LUZP2: variants seen among roughly 807,000 people sequenced by gnomAD.
LUZP2 encodes leucine zipper protein 2.
Under a neutral mutation model 51.6 loss-of-function variants are expected in LUZP2, and 52 were observed. That is an observed-to-expected ratio of 1.01 (90% CI 0.81 to 1.27). LUZP2 has a LOEUF of 1.27. LUZP2 is among the 50% of genes most tolerant of loss of function. The pLI is 0.00. For synonymous variants in LUZP2, 154 were observed against 137.3 expected, an observed-to-expected ratio of 1.12 and a Z score of -0.85; for missense variants, 436 against 395.4, an observed-to-expected ratio of 1.10 and a Z score of -0.87.
intron 5 of LUZP2, among the ~76,000 whole-genome samples, chr11:24,862,622 T>C (rs1851773844): frequency 6.6e-6 from 1 of 152,130 alleles, no homozygotes; most frequent in Admixed American, 6.6e-5. Context: ...TCCATCGGTG[T>C]GCTGTATTCA....
chr11:24,850,924 G>T (rs1851374362), intron 5 of LUZP2, among the ~76,000 whole-genome samples: 2 of 151,206 alleles, frequency 1.3e-5, no homozygotes, highest in Non-Finnish European at 3.0e-5. Flanking sequence ...CTCTATTATT[G>T]GTGTATAGAA....
chr11:24,910,919 C>G (rs891455384), intron 6 of LUZP2, among the ~76,000 whole-genome samples: 11 of 152,104 alleles, frequency 7.2e-5, no homozygotes, highest in Non-Finnish European at 1.6e-4. Context: ...TGAAAGCAGC[C>G]AGGAGGGGGG....
intron 1 of LUZP2, among the ~76,000 whole-genome samples, chr11:24,669,523 C>G (rs1404799741): frequency 6.6e-6 from 1 of 151,992 alleles, no homozygotes; most frequent in Non-Finnish European, 1.5e-5. Flanking sequence ...GAGGAAACTG[C>G]CAATGAATCT....
intron 1 of LUZP2, among the ~76,000 whole-genome samples, chr11:24,599,816 C>T (rs972563515): frequency 1.3e-5 from 2 of 151,800 alleles, no homozygotes; most frequent in East Asian, 1.9e-4. Context: ...TTGAAAAGTA[C>T]GTAAAAAAAA....
At chr11:24,855,285 T>C (rs1851524968) in intron 5 of LUZP2, among the ~76,000 whole-genome samples, 1 of 152,178 alleles carries the variant, frequency 6.6e-6, no homozygotes, top group East Asian at 1.9e-4. Flanking sequence ...AATTTCAGGA[T>C]ACAAAATAAA....
intron 10 of LUZP2, among the ~76,000 whole-genome samples, chr11:25,071,579 T>G (rs1299983337): frequency 1.3e-5 from 2 of 151,878 alleles, no homozygotes; most frequent in Non-Finnish European, 2.9e-5. Context: ...AGTAATCTAG[T>G]TTTTCTCTTT....
intron 5 of LUZP2, among the ~76,000 whole-genome samples, chr11:24,845,602 A>G (rs1395426747): frequency 6.6e-6 from 1 of 152,278 alleles, no homozygotes; most frequent in East Asian, 1.9e-4. Context: ...TGTAACTCCC[A>G]CAATTCCCAT....
At chr11:24,573,624 G>A (rs566893952) in intron 1 of LUZP2, among the ~76,000 whole-genome samples, 1 of 151,952 alleles carries the variant, frequency 6.6e-6, no homozygotes, top group Non-Finnish European at 1.5e-5. Context: ...CCCCATTAGC[G>A]TGCTCTGTTA....
intron 1 of LUZP2, among the ~76,000 whole-genome samples, chr11:24,570,746 A>G (rs1438390908): frequency 6.6e-6 from 1 of 152,030 alleles, no homozygotes; most frequent in Non-Finnish European, 1.5e-5. Flanking sequence ...CATAGATGTT[A>G]TGTGTCTAAG....
chr11:24,874,037 T>C (rs1237057875), intron 5 of LUZP2, among the ~76,000 whole-genome samples: 2 of 152,196 alleles, frequency 1.3e-5, no homozygotes, highest in Admixed American at 6.5e-5. Flanking sequence ...TGGGAAGAGA[T>C]ACAGTAAGAT....
At chr11:25,071,746 C>A (rs1859163918) in intron 10 of LUZP2, among the ~76,000 whole-genome samples, 1 of 151,172 alleles carries the variant, frequency 6.6e-6, no homozygotes, top group African/African-American at 2.4e-5. Context: ...TGCAGCACAC[C>A]AACATGGCAC....
intron 9 of LUZP2, among the ~76,000 whole-genome samples, chr11:25,018,258 A>G (rs1857222080): frequency 6.6e-6 from 1 of 151,988 alleles, no homozygotes; most frequent in African/African-American, 2.4e-5. Context: ...ACAAACAGAG[A>G]GTTTGACTTC....
intron 1 of LUZP2, among the ~76,000 whole-genome samples, chr11:24,557,666 T>C (rs1025361325): frequency 3.9e-5 from 6 of 152,122 alleles, no homozygotes; most frequent in Non-Finnish European, 8.8e-5. Context: ...TTTATTCCAT[T>C]AGGGGATATA....
intron 5 of LUZP2, among the ~76,000 whole-genome samples, chr11:24,839,895 A>T (rs1299379705): frequency 1.3e-5 from 2 of 151,744 alleles, no homozygotes; most frequent in Non-Finnish European, 3.0e-5. Flanking sequence ...TGGTAATGCA[A>T]TTAGAATATT....
chr11:24,800,261 G>C (rs894672422), intron 5 of LUZP2, among the ~76,000 whole-genome samples: 1 of 152,046 alleles, frequency 6.6e-6, no homozygotes, highest in Non-Finnish European at 1.5e-5. Context: ...GTGATACTTA[G>C]TTGGGAAATT....
intron 7 of LUZP2, among the ~76,000 whole-genome samples, chr11:24,973,002 A>G (rs1216535067): frequency 6.7e-6 from 1 of 150,172 alleles, no homozygotes; most frequent in Non-Finnish European, 1.5e-5. Flanking sequence ...TAGAAATAGT[A>G]CCAGCTCTTC....
chr11:24,615,403 A>G (rs980063086), intron 1 of LUZP2, among the ~76,000 whole-genome samples: 7 of 152,056 alleles, frequency 4.6e-5, no homozygotes, highest in African/African-American at 7.2e-5. Context: ...ATACAATAAT[A>G]TAGTATGTAA....
chr11:25,030,191 G>A (rs1857604885), intron 9 of LUZP2, among the ~76,000 whole-genome samples: 1 of 152,032 alleles, frequency 6.6e-6, no homozygotes, highest in Non-Finnish European at 1.5e-5. Flanking sequence ...GAATTTTATA[G>A]AATCAGTAAT....
chr11:24,534,472 T>G (rs1489353129), intron 1 of LUZP2, among the ~76,000 whole-genome samples: 1 of 150,788 alleles, frequency 6.6e-6, no homozygotes, highest in Non-Finnish European at 1.5e-5. Flanking sequence ...TAAGCTATTT[T>G]GTAGGTATGT....
Sources: allele counts gnomAD v4.1 joint callset (sites outside exome capture counted in the v4.1 genomes callset), GRCh38; gene constraint gnomAD v4.1.1; transcripts MANE v1.5; gene names NCBI Gene and HGNC (gene_info 2026-07-23, HGNC 2026-07-21).